DYRK1A: variants seen among roughly 807,000 people sequenced by gnomAD.
DYRK1A encodes dual specificity tyrosine phosphorylation regulated kinase 1A.
DYRK1A carries 9 observed loss-of-function variants against 79.7 expected under a neutral mutation model. The observed-to-expected ratio is 0.11, with a 90% CI of 0.07 to 0.20. DYRK1A has a LOEUF of 0.20. Among genes scored for constraint, DYRK1A ranks in the 10% least tolerant of loss-of-function variants. The probability of loss-of-function intolerance (pLI) is 1.00; values close to 1 mark genes in which losing one functional copy is unlikely to be tolerated. For missense variants in DYRK1A, 622 were observed against 956.0 expected, an observed-to-expected ratio of 0.65 and a Z score of 4.61; for synonymous variants, 349 against 329.7, an observed-to-expected ratio of 1.06 and a Z score of -0.63.
upstream of DYRK1A, among the ~76,000 whole-genome samples, chr21:37,366,496 T>G (rs1229288776): frequency 8.3e-6 from 1 of 119,926 alleles, no homozygotes; most frequent in East Asian, 2.8e-4. Flanking sequence ...GCCCCTACCC[T>G]CCCTCGGCCT....
intron 1 of DYRK1A, among the ~76,000 whole-genome samples, chr21:37,387,002 G>A (rs530287806): frequency 1.3e-5 from 2 of 152,336 alleles, no homozygotes; most frequent in African/African-American, 4.8e-5. Flanking sequence ...CTGGCACTGG[G>A]CACGCTCTCC....
chr21:37,457,784 A>G (rs150758487), intron 2 of DYRK1A, among the ~76,000 whole-genome samples: 1 of 151,978 alleles, frequency 6.6e-6, no homozygotes, highest in Non-Finnish European at 1.5e-5. Flanking sequence ...CAAGTCCTCT[A>G]TGTGTATGCT....
At chr21:37,368,974 C>G (rs573494302) in intron 1 of DYRK1A, among the ~76,000 whole-genome samples, 4 of 152,092 alleles carry the variant, frequency 2.6e-5, no homozygotes, top group South Asian at 4.2e-4. Flanking sequence ...CCTTTCCCCC[C>G]CCAAGAAAAC....
intron 1 of DYRK1A, among the ~76,000 whole-genome samples, chr21:37,412,223 C>T (rs764905019): frequency 6.6e-6 from 1 of 152,092 alleles, no homozygotes; most frequent in African/African-American, 2.4e-5. Flanking sequence ...GGCTTAAATG[C>T]ACTTTATGGA....
intron 3 of DYRK1A, among the ~76,000 whole-genome samples, chr21:37,475,588 A>G (rs1156384290): frequency 6.6e-6 from 1 of 152,184 alleles, no homozygotes; most frequent in Non-Finnish European, 1.5e-5. Context: ...TGTTCTTTCC[A>G]TGTATTTTGA....
At chr21:37,492,691 A>G (rs1378038964) in intron 7 of DYRK1A, among the ~76,000 whole-genome samples, 1 of 152,210 alleles carries the variant, frequency 6.6e-6, no homozygotes, top group African/African-American at 2.4e-5. Flanking sequence ...AATAATTATT[A>G]GGGAAATACA....
intron 1 of DYRK1A, among the ~76,000 whole-genome samples, chr21:37,397,387 A>G (rs1191850637): frequency 6.6e-6 from 1 of 152,230 alleles, no homozygotes; most frequent in African/African-American, 2.4e-5. Flanking sequence ...ATATTGAAAG[A>G]CAAGTTTTGA....
intron 1 of DYRK1A, among the ~76,000 whole-genome samples, chr21:37,390,386 T>C (rs2049847522): frequency 6.6e-6 from 1 of 152,196 alleles, no homozygotes; most frequent in South Asian, 2.1e-4. Context: ...AGTGCATTTT[T>C]CCTACAAACA....
chr21:37,456,583 T>C (rs1052607874), intron 2 of DYRK1A, among the ~76,000 whole-genome samples: 1 of 152,180 alleles, frequency 6.6e-6, no homozygotes, highest in African/African-American at 2.4e-5. Context: ...CTTTATTCAC[T>C]TGCAGGTGTT....
At chr21:37,482,601 C>G (rs1306756299) in intron 5 of DYRK1A, among the ~76,000 whole-genome samples, 1 of 152,160 alleles carries the variant, frequency 6.6e-6, no homozygotes, top group Non-Finnish European at 1.5e-5. Context: ...TTTTGGGCAC[C>G]ACTGTCATTG....
At position 37,407,180 on chromosome 21, in the gene DYRK1A, T is replaced by C. The variant is rs765213687; in HGVS notation, c.-76-13119T>C. Among the ~76,000 whole-genome samples, 4 of 152,294 alleles carry C rather than the reference T, an allele frequency of 2.6e-5. No individual in the cohort carries two copies. The East Asian group carries it at 7.7e-4, about 29-fold the overall frequency. On this transcript the variant is annotated intron_variant, in intron 1 of 11. Coordinates refer to ENST00000647188, the MANE Select transcript of DYRK1A (RefSeq NM_001347721.2). ...TACAACTGTTTCGGATTTTGAAATA[T>C]TTGCATATATGTAGTGAGATATGTT...
intron 4 of DYRK1A, among the ~76,000 whole-genome samples, chr21:37,479,600 G>GTTTTTTT (rs1569362052): frequency 1.3e-4 from 3 of 22,794 alleles, no homozygotes; most frequent in African/African-American, 5.8e-4. Context: ...TTTTGTTTTT[G>GTTTTTTT]TTTTTGTTTT....
intron 11 of DYRK1A, among the ~76,000 whole-genome samples, chr21:37,509,076 G>A (rs1323445778): frequency 6.6e-6 from 1 of 152,162 alleles, no homozygotes; most frequent in East Asian, 1.9e-4. Context: ...TAGTCACATG[G>A]TTTTAAAAAT....
chr21:37,413,380 C>A (rs189173063), intron 1 of DYRK1A, among the ~76,000 whole-genome samples: 1 of 151,918 alleles, frequency 6.6e-6, no homozygotes, highest in Non-Finnish European at 1.5e-5. Flanking sequence ...TGCACTCATG[C>A]AAATCAATTA....
chr21:37,458,397 T>A (rs545586924), intron 2 of DYRK1A, among the ~76,000 whole-genome samples: 1 of 152,208 alleles, frequency 6.6e-6, no homozygotes, highest in South Asian at 2.1e-4. Context: ...TAAGTTGAAC[T>A]TTAACCACCA....
intron 1 of DYRK1A, among the ~76,000 whole-genome samples, chr21:37,399,741 T>C (rs534088013): frequency 6.6e-5 from 10 of 152,274 alleles, no homozygotes; most frequent in African/African-American, 2.4e-4. Flanking sequence ...AGCTTGAAGG[T>C]ACTCACGAGA....
chr21:37,389,980 G>A (rs981210750), intron 1 of DYRK1A, among the ~76,000 whole-genome samples: 3 of 150,584 alleles, frequency 2.0e-5, no homozygotes, highest in East Asian at 1.9e-4. Flanking sequence ...ATGGAATGCA[G>A]TGGCACAATC....
chr21:37,412,940 A>G (rs2050270484), intron 1 of DYRK1A, among the ~76,000 whole-genome samples: 1 of 152,186 alleles, frequency 6.6e-6, no homozygotes, highest in African/African-American at 2.4e-5. Flanking sequence ...TAAACCATTG[A>G]AAATACTTCT....
intron 2 of DYRK1A, 35 bp from the exon 3 acceptor site, chr21:37,472,649 A>T (rs776496374): frequency 7.7e-5 from 115 of 1,495,704 alleles, no homozygotes; most frequent in Non-Finnish European, 1.0e-4. Context: ...TTAGGATATG[A>T]ATATTTCCTT....
Sources: allele counts gnomAD v4.1 joint callset (sites outside exome capture counted in the v4.1 genomes callset), GRCh38; gene constraint gnomAD v4.1.1; transcripts MANE v1.5; gene names NCBI Gene and HGNC (gene_info 2026-07-23, HGNC 2026-07-21).